The following ICA1L variants were observed in gnomAD, a reference collection of about 807,000 sequenced individuals.
ICA1L encodes islet cell autoantigen 1 like.
In ICA1L, 50 loss-of-function variants were observed where a neutral mutation model predicts 61.3. The observed-to-expected ratio is 0.82, with a 90% CI of 0.65 to 1.03. The LOEUF (loss-of-function observed/expected upper bound fraction) is 1.03. Among genes scored for constraint, ICA1L ranks in the 50% least tolerant of loss-of-function variants. The pLI is 0.00. For synonymous variants in ICA1L, 161 were observed against 191.3 expected (o/e 0.84, Z 1.31); for missense variants, 508 against 556.7 (o/e 0.91, Z 0.88).
At chr2:202,868,723 T>G (rs1262415596) in intron 1 of ICA1L, among the ~76,000 whole-genome samples, 2 of 152,056 alleles carry the variant, frequency 1.3e-5, no homozygotes, top group African/African-American at 4.8e-5. Context: ...TCCCAGCAAT[T>G]TGGGAGGCTG....
intron 9 of ICA1L, among the ~76,000 whole-genome samples, chr2:202,804,586 G>T (rs1250563292): frequency 1.3e-5 from 2 of 152,154 alleles, no homozygotes; most frequent in African/African-American, 4.8e-5. Flanking sequence ...AACAGTGGAA[G>T]ATTTTAAAAC....
chr2:202,858,117 T>C (rs547992271), intron 1 of ICA1L, among the ~76,000 whole-genome samples: 2 of 152,334 alleles, frequency 1.3e-5, no homozygotes, highest in South Asian at 2.1e-4. Context: ...ATCTCATTAC[T>C]TGGTATATAC....
At chr2:202,793,351 A>G (rs902583317) in intron 10 of ICA1L, among the ~76,000 whole-genome samples, 1 of 151,900 alleles carries the variant, frequency 6.6e-6, no homozygotes, top group African/African-American at 2.4e-5. Flanking sequence ...AGATGTTTTC[A>G]TAGGTTAAGA....
intron 1 of ICA1L, among the ~76,000 whole-genome samples, chr2:202,855,582 C>G (rs1416966936): frequency 6.6e-6 from 1 of 152,058 alleles, no homozygotes; most frequent in Non-Finnish European, 1.5e-5. Context: ...AAGGCTAAAC[C>G]AGTAAGAAGT....
chr2:202,782,878 A>C (rs1692457457), intron 12 of ICA1L, among the ~76,000 whole-genome samples: 1 of 152,100 alleles, frequency 6.6e-6, no homozygotes, highest in African/African-American at 2.4e-5. Flanking sequence ...TTAAATGCTT[A>C]AGCACAACTT....
At position 202,811,766 on chromosome 2, in the gene ICA1L, G is replaced by C. The variant is rs777259300; in HGVS notation, c.890C>G (p.Ala297Gly). 2.5e-6 allele frequency: 4 copies of C among 1,605,840 alleles called. No individual in the cohort carries two copies. The South Asian group carries it at 4.4e-5, about 18-fold the overall frequency. The change falls in exon 9 of 13, where the codon GCA becomes GGA. Residue 297 changes from alanine to glycine, a missense_variant. Coordinates refer to ENST00000358299, the MANE Select transcript of ICA1L (RefSeq NM_001288622.3). ...CTTACCTTGTTCACTCTCAAAGCTT[G>C]CTTCCTCATCAGACAAAACTAGCCT... is the stretch of plus-strand genomic sequence containing the variant. Reference protein sequence around the residue: ...LNKLVLSDEEASFESEQANKD... With the variant: ...LNKLVLSDEEGSFESEQANKD...
intron 4 of ICA1L, among the ~76,000 whole-genome samples, chr2:202,820,374 CAA>C (rs372412225): frequency 8.3e-5 from 9 of 108,402 alleles, no homozygotes; most frequent in Admixed American, 9.6e-5. Context: ...AACTCCATCT[CAA>C]AAAAAAAAAA....
At chr2:202,825,514 T>A (rs1460345569) in intron 3 of ICA1L, 181 bp downstream of exon 3, 1 of 1,328,750 alleles carries the variant, frequency 7.5e-7, no homozygotes, top group East Asian at 3.1e-5. Flanking sequence ...GTCAGAGGAT[T>A]TGATTAACTG....
chr2:202,852,265 G>A (rs1210693755), intron 1 of ICA1L, among the ~76,000 whole-genome samples: 1 of 152,080 alleles, frequency 6.6e-6, no homozygotes, highest in East Asian at 1.9e-4. Flanking sequence ...TATATACCCT[G>A]TAATGGGATG....
intron 1 of ICA1L, among the ~76,000 whole-genome samples, chr2:202,838,615 CAT>C (rs1201615643): frequency 6.6e-6 from 1 of 152,118 alleles, no homozygotes; most frequent in Non-Finnish European, 1.5e-5. Context: ...GCATGTAACA[CAT>C]ATTTGCAATT....
At chr2:202,868,877 A>G (rs1295839673) in intron 1 of ICA1L, among the ~76,000 whole-genome samples, 4 of 152,020 alleles carry the variant, frequency 2.6e-5, no homozygotes, top group African/African-American at 9.7e-5. Context: ...CTGAGACAGA[A>G]GAATCGCTTG....
intron 1 of ICA1L, among the ~76,000 whole-genome samples, chr2:202,864,529 T>G (rs1687417919): frequency 6.6e-6 from 1 of 152,058 alleles, no homozygotes; most frequent in Non-Finnish European, 1.5e-5. Flanking sequence ...AGACCAATAT[T>G]TTTATTAAAT....
intron 9 of ICA1L, among the ~76,000 whole-genome samples, chr2:202,808,775 C>T (rs1328497207): frequency 1.3e-5 from 2 of 152,216 alleles, no homozygotes; most frequent in African/African-American, 4.8e-5. Flanking sequence ...ACCACCACGG[C>T]AGTATCTCTA....
intron 9 of ICA1L, among the ~76,000 whole-genome samples, chr2:202,809,802 G>T (rs901131749): frequency 7.9e-5 from 12 of 151,826 alleles, no homozygotes; most frequent in Non-Finnish European, 1.0e-4. Flanking sequence ...AAACAAAAAC[G>T]AAAAAAGAAT....
chr2:202,858,956 C>G (rs1268210685), intron 1 of ICA1L, among the ~76,000 whole-genome samples: 1 of 152,190 alleles, frequency 6.6e-6, no homozygotes, highest in Non-Finnish European at 1.5e-5. Flanking sequence ...ATCCCTGTTG[C>G]TATGTGGTGG....
chr2:202,800,167 C>T (rs1184493759), intron 9 of ICA1L, among the ~76,000 whole-genome samples: 3 of 152,040 alleles, frequency 2.0e-5, no homozygotes, highest in Non-Finnish European at 4.4e-5. Context: ...AAGTGTGAGC[C>T]ACCGCGCCTG....
chr2:202,807,445 C>T (rs1249880368), intron 9 of ICA1L, among the ~76,000 whole-genome samples: 1 of 152,222 alleles, frequency 6.6e-6, no homozygotes. Context: ...AGGGGAACCA[C>T]CCATCCCACT....
chr2:202,841,230 T>C (rs895642810), intron 1 of ICA1L: 10 of 715,346 alleles, frequency 1.4e-5, no homozygotes, highest in Middle Eastern at 7.5e-4. Flanking sequence ...TGTACGTTTG[T>C]TGATCTCATC....
intron 3 of ICA1L, among the ~76,000 whole-genome samples, chr2:202,823,227 A>G (rs1333047363): frequency 6.6e-6 from 1 of 152,078 alleles, no homozygotes; most frequent in Non-Finnish European, 1.5e-5. Context: ...CCCCTCCCTG[A>G]CCTGTTCTCC....
Sources: gnomAD v4.1 joint callset for allele counts (sites outside exome capture counted in the v4.1 genomes callset) on GRCh38, gnomAD v4.1.1 for gene constraint, MANE v1.5 for transcripts, NCBI Gene and HGNC (gene_info 2026-07-23, HGNC 2026-07-21) for gene names.